The following NTM variants were observed in gnomAD, a reference collection of about 807,000 sequenced individuals.
NTM encodes neurotrimin, also known as IgLON family member 2.
A neutral mutation model predicts 42.1 loss-of-function variants in NTM; 13 were observed. The ratio of observed to expected loss-of-function variants is 0.31; its 90% CI spans 0.20 to 0.49. The LOEUF (loss-of-function observed/expected upper bound fraction) is 0.49. Ranked by LOEUF, NTM falls within the 20% of genes least tolerant of loss-of-function variation. The probability of loss-of-function intolerance (pLI) is 0.99; values close to 1 mark genes in which losing one functional copy is unlikely to be tolerated. For synonymous variants in NTM, 187 were observed against 179.2 expected, an observed-to-expected ratio of 1.04 and a Z score of -0.35; for missense variants, 373 against 452.8, an observed-to-expected ratio of 0.82 and a Z score of 1.60.
At chr11:132,134,259 G>A (rs966448274) in intron 2 of NTM, among the ~76,000 whole-genome samples, 9 of 151,952 alleles carry the variant, frequency 5.9e-5, no homozygotes, top group Admixed American at 1.3e-4. Flanking sequence ...TCTTCCTAGG[G>A]GGAACACCTT....
At chr11:131,612,140 T>A (rs1019698646) in intron 1 of NTM, among the ~76,000 whole-genome samples, 5 of 152,174 alleles carry the variant, frequency 3.3e-5, no homozygotes, top group African/African-American at 1.2e-4. Flanking sequence ...CCCTCAGTCA[T>A]CACCAGCACT....
At chr11:132,135,576 C>A (rs2067735244) in intron 2 of NTM, among the ~76,000 whole-genome samples, 1 of 152,194 alleles carries the variant, frequency 6.6e-6, no homozygotes, top group African/African-American at 2.4e-5. Flanking sequence ...ACCAGGGTGA[C>A]CAGGCCCTTT....
At chr11:131,938,766 C>T (rs551031452) in intron 2 of NTM, among the ~76,000 whole-genome samples, 4 of 151,958 alleles carry the variant, frequency 2.6e-5, no homozygotes, top group Non-Finnish European at 5.9e-5. Flanking sequence ...GTAGAAACAG[C>T]GTGTACATAT....
At chr11:132,000,954 A>G (rs771733816) in intron 2 of NTM, among the ~76,000 whole-genome samples, 2 of 152,232 alleles carry the variant, frequency 1.3e-5, no homozygotes, top group African/African-American at 4.8e-5. Flanking sequence ...CCAGGTAGAT[A>G]AAGCGAAGTA....
chr11:131,787,173 T>C (rs574160709), intron 1 of NTM, among the ~76,000 whole-genome samples: 132 of 152,034 alleles, frequency 8.7e-4, no homozygotes, highest in Non-Finnish European at 1.4e-3. Context: ...TTTGATTCTG[T>C]TACAGTTTTA....
intron 3 of NTM, among the ~76,000 whole-genome samples, chr11:132,179,953 T>C (rs1258243403): frequency 6.6e-6 from 1 of 152,220 alleles, no homozygotes. Flanking sequence ...AGTGCCTCCA[T>C]TTCGTTATTA....
intron 1 of NTM, among the ~76,000 whole-genome samples, chr11:131,420,015 C>G (rs1245361760): frequency 1.3e-5 from 2 of 152,118 alleles, no homozygotes; most frequent in Non-Finnish European, 2.9e-5. Context: ...CACCAGGTAC[C>G]GTGTCCTCCT....
chr11:131,420,557 T>C (rs1591617659), intron 1 of NTM, among the ~76,000 whole-genome samples: 1 of 152,288 alleles, frequency 6.6e-6, no homozygotes, highest in East Asian at 1.9e-4. Context: ...GAGTACATTG[T>C]GGAGGCTTAA....
chr11:132,108,782 G>A (rs1438915546), intron 2 of NTM, among the ~76,000 whole-genome samples: 1 of 152,072 alleles, frequency 6.6e-6, no homozygotes, highest in Non-Finnish European at 1.5e-5. Context: ...GTATACATGT[G>A]CCATTGTGGT....
intron 1 of NTM, among the ~76,000 whole-genome samples, chr11:131,747,534 A>G (rs576386386): frequency 3.5e-4 from 54 of 152,282 alleles, no homozygotes; most frequent in African/African-American, 1.2e-3. Context: ...TTCTCCTTCC[A>G]TACCCCTGAA....
chr11:132,304,594 C>G (rs974047603), intron 4 of NTM, among the ~76,000 whole-genome samples: 2 of 152,108 alleles, frequency 1.3e-5, no homozygotes, highest in Non-Finnish European at 2.9e-5. Flanking sequence ...CTTTAGGAAC[C>G]TGATTTTGGG....
intron 1 of NTM, among the ~76,000 whole-genome samples, chr11:131,403,313 T>C (rs1945452449): frequency 1.3e-5 from 2 of 152,188 alleles, no homozygotes; most frequent in Admixed American, 6.5e-5. Flanking sequence ...AGTTTTTCAC[T>C]CCATTCCTAT....
intron 1 of NTM, among the ~76,000 whole-genome samples, chr11:131,469,496 G>T (rs562118911): frequency 6.6e-6 from 1 of 152,262 alleles, no homozygotes; most frequent in South Asian, 2.1e-4. Flanking sequence ...ACATTATACT[G>T]CCATCACAGA....
At chr11:131,882,944 G>C (rs2049784213) in intron 1 of NTM, among the ~76,000 whole-genome samples, 3 of 152,118 alleles carry the variant, frequency 2.0e-5, no homozygotes, top group African/African-American at 7.2e-5. Context: ...CGAATGAATG[G>C]GTTGAGGAGA....
intron 2 of NTM, among the ~76,000 whole-genome samples, chr11:131,937,662 AG>A (rs2059368066): frequency 6.6e-6 from 1 of 152,238 alleles, no homozygotes; most frequent in Admixed American, 6.5e-5. Flanking sequence ...ATCTAAGCAC[AG>A]GTGTATTCTA....
chr11:131,416,782 C>T (rs892204828), intron 1 of NTM, among the ~76,000 whole-genome samples: 1 of 152,014 alleles, frequency 6.6e-6, no homozygotes, highest in African/African-American at 2.4e-5. Flanking sequence ...GATATAATGT[C>T]CTTTTAAACA....
intron 2 of NTM, among the ~76,000 whole-genome samples, chr11:132,047,833 T>C (rs945893881): frequency 3.3e-5 from 5 of 152,180 alleles, no homozygotes; most frequent in African/African-American, 1.2e-4. Flanking sequence ...GAATTTTCTG[T>C]CTTACGTATC....
chr11:132,046,018 C>T (rs1359840139), intron 2 of NTM, among the ~76,000 whole-genome samples: 3 of 152,194 alleles, frequency 2.0e-5, no homozygotes, highest in Middle Eastern at 3.2e-3. Context: ...TTTATCTGTG[C>T]ATTTCTGTGT....
intron 1 of NTM, among the ~76,000 whole-genome samples, chr11:131,756,211 A>C (rs1343865266): frequency 6.6e-6 from 1 of 152,176 alleles, no homozygotes; most frequent in Non-Finnish European, 1.5e-5. Flanking sequence ...AATGCTTCTT[A>C]AGGAAAAGAA....
Sources: allele counts gnomAD v4.1 joint callset (sites outside exome capture counted in the v4.1 genomes callset), GRCh38; gene constraint gnomAD v4.1.1; transcripts MANE v1.5; gene names NCBI Gene and HGNC (gene_info 2026-07-23, HGNC 2026-07-21).